Variants in RERE observed in about 807,000 individuals in gnomAD.
RERE encodes arginine-glutamic acid dipeptide repeats protein.
In RERE, 40 loss-of-function variants were observed where a neutral mutation model predicts 146.1. The observed-to-expected ratio is 0.27, with a 90% CI of 0.21 to 0.36. The LOEUF (loss-of-function observed/expected upper bound fraction) is 0.36, where lower values mean the gene tolerates loss of function less well. Among genes scored for constraint, RERE ranks in the 10% least tolerant of loss-of-function variants. The probability of loss-of-function intolerance (pLI) is 1.00; values close to 1 mark genes in which losing one functional copy is unlikely to be tolerated. For synonymous variants in RERE, 1,003 were observed against 866.0 expected, an observed-to-expected ratio of 1.16 and a Z score of -2.78; for missense variants, 1,933 against 2,138.7, an observed-to-expected ratio of 0.90 and a Z score of 1.90.
chr1:8,352,904 C>T lies in RERE; in HGVS notation c.*2183G>A, dbSNP rs929759038. The T allele has an allele frequency of 6.6e-6, 1 of 152,610 alleles. No individual in the cohort carries two copies. The highest frequency in any genetic ancestry group is 6.5e-5 in the Admixed American group (1 of 15,286). 9.5% of individuals were successfully genotyped at this position (152,610 alleles called of 1,614,324 possible). On this transcript the variant is annotated 3_prime_UTR_variant, in exon 23 of 23. Transcript: ENST00000400908. ...CAAGCACAGACCTCAGAGGACTCGACTCTTCTTTGGAAAAATGGATGCCAA... is the reference window on the plus strand; with the variant it reads ...CAAGCACAGACCTCAGAGGACTCGATTCTTCTTTGGAAAAATGGATGCCAA...
rs958629709 is a variant in RERE at position 8,356,439 on chromosome 1, C to G, written c.4340-193G>C. Among the ~76,000 whole-genome samples the G allele has an allele frequency of 6.6e-6, 1 of 152,022 alleles. No homozygotes were observed. Among genetic ancestry groups the G allele is most frequent in the Non-Finnish European group, 1.5e-5 (1 of 68,000 alleles). On this transcript the variant is annotated intron_variant, in intron 20 of 22. Transcript: ENST00000400908. This position sits in a 1 kb window ranked among gnomAD's most constrained non-coding sequence, Gnocchi z 5.2. ...CACCTTCAGCAAGAGCTCCAGAGGC[C>G]GAGAGAAGTGACGAGCCCACCGCTG...
chr1:8,660,826 G>A (rs1393565617), intron 1 of RERE, among the ~76,000 whole-genome samples: 3 of 152,172 alleles, frequency 2.0e-5, no homozygotes, highest in Non-Finnish European at 4.4e-5. Context: ...ATTATAACAT[G>A]CTTTAAATAA....
chr1:8,460,435 A>G (rs537370363), intron 11 of RERE, among the ~76,000 whole-genome samples: 1 of 151,762 alleles, frequency 6.6e-6, no homozygotes, highest in East Asian at 1.9e-4. Flanking sequence ...TGAAAGAAGG[A>G]TTTTCATTTA....
Position 8,678,307 on chromosome 1 carries a change from A to G in RERE, c.-144-21866T>C, listed in dbSNP as rs530372328. On this transcript the variant is annotated intron_variant, in intron 1 of 22. Transcript: ENST00000400908. ...ATGGTTTTCATTAACGTTTTTCTTA[A>G]ATACTTAAAAAAAACAGGCGACTTT... Among the ~76,000 whole-genome samples, 13 of 152,276 alleles carry G rather than the reference A, an allele frequency of 8.5e-5. No individual in the cohort carries two copies. The East Asian group carries it at 2.5e-3, about 29-fold the overall frequency.
chr1:8,563,593 T>C (rs1044047120), intron 4 of RERE, among the ~76,000 whole-genome samples: 2 of 152,174 alleles, frequency 1.3e-5, no homozygotes, highest in Non-Finnish European at 2.9e-5. Context: ...AGTACAAAGA[T>C]GGATATTAGC....
chr1:8,525,849 C>T, intron 7 of RERE: 1 of 1,511,246 alleles, frequency 6.6e-7, no homozygotes, highest in South Asian at 1.3e-5. Flanking sequence ...TAAAACTCTG[C>T]CCTTTTCTAC....
intron 1 of RERE, among the ~76,000 whole-genome samples, chr1:8,740,645 C>T (rs142964587): frequency 2.2e-4 from 33 of 152,190 alleles, no homozygotes; most frequent in South Asian, 6.2e-4. Context: ...ATTTTATAAG[C>T]TTTATTCTAT....
At chr1:8,507,737 C>CTTTTTTTTCTTTTTTTTTT (rs1645274691) in intron 8 of RERE, among the ~76,000 whole-genome samples, 1 of 85,958 alleles carries the variant, frequency 1.2e-5, no homozygotes, top group African/African-American at 5.0e-5. Context: ...CATCTTTTAT[C>CTTTTTTTTCTTTTTTTTTT]TTTTTTTTTT....
chr1:8,398,185 G>A (rs1398438080), intron 12 of RERE, among the ~76,000 whole-genome samples: 3 of 152,248 alleles, frequency 2.0e-5, no homozygotes, highest in African/African-American at 7.2e-5. Flanking sequence ...GGCATTCTGG[G>A]CAGAACACTG....
chr1:8,592,304 C>T (rs1646504638), intron 4 of RERE, among the ~76,000 whole-genome samples: 1 of 152,020 alleles, frequency 6.6e-6, no homozygotes, highest in Admixed American at 6.6e-5. Flanking sequence ...CTCTGTCTGT[C>T]ACCCAGGCTG....
At chr1:8,492,992 T>G (rs958732331) in intron 10 of RERE, among the ~76,000 whole-genome samples, 3 of 152,150 alleles carry the variant, frequency 2.0e-5, no homozygotes, top group Non-Finnish European at 4.4e-5. Context: ...GAGGATCACT[T>G]GAGCCTGGGA....
At chr1:8,781,367 A>C (rs1224571102) in intron 1 of RERE, among the ~76,000 whole-genome samples, 2 of 151,620 alleles carry the variant, frequency 1.3e-5, no homozygotes, top group Middle Eastern at 3.4e-3. Flanking sequence ...AAAAAAAAAA[A>C]AACAACTTTT....
At chr1:8,748,110 C>T (rs1008769120) in intron 1 of RERE, among the ~76,000 whole-genome samples, 7 of 152,090 alleles carry the variant, frequency 4.6e-5, no homozygotes, top group East Asian at 1.9e-4. Flanking sequence ...TAGTTGTATA[C>T]AACTACACAT....
chr1:8,357,494 C>A (rs1183261328), intron 20 of RERE, among the ~76,000 whole-genome samples: 1 of 152,180 alleles, frequency 6.6e-6, no homozygotes, highest in Non-Finnish European at 1.5e-5. Flanking sequence ...GGAAGCCCTG[C>A]ACGTAGGCTG....
rs1313451554 is a variant in RERE, at chr1:8,491,801, GA to G, written c.1104+3261del. The stretch of plus-strand genomic sequence containing the variant: ...AGTTCTATGTTGCCCTAGGAAGCAG[GA>G]AATATACACTAATTACTCACAGGTT... On this transcript the variant is annotated intron_variant, in intron 10 of 22. Transcript: ENST00000400908. Among the ~76,000 whole-genome samples, 7 of 152,256 alleles carry G rather than the reference GA, an allele frequency of 4.6e-5. No individual in the cohort carries two copies. In the East Asian group the frequency reaches 1.3e-3, roughly 29 times the overall value.
At chr1:8,507,831 C>T (rs199986560) in intron 8 of RERE, among the ~76,000 whole-genome samples, 12 of 150,212 alleles carry the variant, frequency 8.0e-5, no homozygotes, top group East Asian at 5.8e-4. Context: ...CCTCCGCCTC[C>T]GGGGTTCAAG....
chr1:8,784,066 T>C (rs1038516258), intron 1 of RERE, among the ~76,000 whole-genome samples: 1 of 152,218 alleles, frequency 6.6e-6, no homozygotes, highest in Non-Finnish European at 1.5e-5. Context: ...CCACCAAGCA[T>C]GTGCTTGTAA....
At chr1:8,524,466 C>A (rs1570389699) in intron 7 of RERE, among the ~76,000 whole-genome samples, 1 of 152,180 alleles carries the variant, frequency 6.6e-6, no homozygotes, top group Admixed American at 6.5e-5. Context: ...TCACACTACA[C>A]CACTAAGAGC....
chr1:8,732,966 C>T (rs1242955718), intron 1 of RERE, among the ~76,000 whole-genome samples: 9 of 150,856 alleles, frequency 6.0e-5, no homozygotes, highest in South Asian at 2.1e-4. Flanking sequence ...GGACTACAGG[C>T]GCCCGCCACT....
Sources: gnomAD v4.1 joint callset for allele counts (sites outside exome capture counted in the v4.1 genomes callset) on GRCh38, gnomAD v4.1.1 for gene constraint, Gnocchi (gnomAD v3.1) non-coding constraint, MANE v1.5 for transcripts, NCBI Gene and HGNC (gene_info 2026-07-23, HGNC 2026-07-21) for gene names.